LMTK2: variants seen among roughly 807,000 people sequenced by gnomAD.
The protein encoded by LMTK2 is lemur tail kinase 2.
In LMTK2, 37 loss-of-function variants were observed where a neutral mutation model predicts 127.5. That is an observed-to-expected ratio of 0.29 (90% CI 0.22 to 0.38). LMTK2 has a LOEUF of 0.38. LMTK2 is among the 10% of genes least tolerant of loss of function. The pLI, the probability that LMTK2 is intolerant of heterozygous loss-of-function variation, is 1.00. For synonymous variants in LMTK2, 819 were observed against 810.1 expected, an observed-to-expected ratio of 1.01 and a Z score of -0.19; for missense variants, 1,694 against 1,920.3, an observed-to-expected ratio of 0.88 and a Z score of 2.20.
chr7:98,167,694 G>C (rs1449484435), intron 6 of LMTK2, among the ~76,000 whole-genome samples: 4 of 152,198 alleles, frequency 2.6e-5, no homozygotes, highest in Non-Finnish European at 5.9e-5. Context: ...GAGGGAAGTT[G>C]AGTCAGGAGA....
intron 11 of LMTK2, among the ~76,000 whole-genome samples, chr7:98,198,690 G>C (rs528000673): frequency 6.6e-6 from 1 of 152,098 alleles, no homozygotes; most frequent in African/African-American, 2.4e-5. Flanking sequence ...ATGTTGCCCA[G>C]GCTGGTCTCG....
chr7:98,183,688 G>A (rs961598920), intron 7 of LMTK2, among the ~76,000 whole-genome samples: 13 of 151,954 alleles, frequency 8.6e-5, no homozygotes, highest in African/African-American at 3.1e-4. Context: ...CCATGATCTG[G>A]CCTCACTCCA....
At chr7:98,159,551 G>T in intron 6 of LMTK2, 126 bp downstream of exon 6, 1 of 690,868 alleles carries the variant, frequency 1.4e-6, no homozygotes, top group East Asian at 2.7e-5. Context: ...ACTTTATGAT[G>T]AGTTACTTTT....
chr7:98,112,872 AG>A (rs1050554361), intron 1 of LMTK2, among the ~76,000 whole-genome samples: 2 of 152,204 alleles, frequency 1.3e-5, no homozygotes, highest in Non-Finnish European at 2.9e-5. Context: ...AAGAGACTTC[AG>A]GGAAAAACAG....
chr7:98,162,887 G>T (rs567977074), intron 6 of LMTK2, among the ~76,000 whole-genome samples: 2 of 152,318 alleles, frequency 1.3e-5, no homozygotes, highest in South Asian at 2.1e-4. Flanking sequence ...AAGTGGCCAG[G>T]TGTCCATCGA....
At chr7:98,172,635 C>T (rs1418240074) in intron 7 of LMTK2, among the ~76,000 whole-genome samples, 1 of 152,146 alleles carries the variant, frequency 6.6e-6, no homozygotes, top group African/African-American at 2.4e-5. Flanking sequence ...TCCAGGGAAA[C>T]CAGGCAGTAT....
At chr7:98,175,858 G>C (rs1416526828) in intron 7 of LMTK2, among the ~76,000 whole-genome samples, 5 of 152,212 alleles carry the variant, frequency 3.3e-5, no homozygotes, top group African/African-American at 1.2e-4. Context: ...TAAAAGGCTC[G>C]AGGTCCAGAG....
rs534111573 is a variant in LMTK2, at chr7:98,133,844, G to A, written c.104-3471G>A. On this transcript the variant is annotated intron_variant, in intron 1 of 13. Coordinates refer to ENST00000297293, the MANE Select transcript of LMTK2 (RefSeq NM_014916.4). ...TTTCATGAATCAGATAATTAGGCTG[G>A]CATTCATACAGTCCTTATCCAGTTC... is the stretch of plus-strand genomic sequence containing the variant. 2.6e-5 allele frequency among the ~76,000 whole-genome samples: 4 copies of A among 152,252 alleles called. No homozygotes were observed. The South Asian group carries it at 8.3e-4, about 32-fold the overall frequency.
chr7:98,183,457 G>A (rs989670633), intron 7 of LMTK2, among the ~76,000 whole-genome samples: 16 of 151,918 alleles, frequency 1.1e-4, no homozygotes, highest in African/African-American at 3.4e-4. Context: ...GTGCGATCTC[G>A]GCTTATTGCA....
intron 1 of LMTK2, among the ~76,000 whole-genome samples, chr7:98,120,658 T>A (rs1328048716): frequency 6.6e-6 from 1 of 152,110 alleles, no homozygotes; most frequent in Non-Finnish European, 1.5e-5. Flanking sequence ...GGAAAAAATA[T>A]CCTGTCCCCA....
intron 6 of LMTK2, among the ~76,000 whole-genome samples, chr7:98,166,495 TAA>T (rs1797103414): frequency 6.6e-6 from 1 of 152,204 alleles, no homozygotes; most frequent in Non-Finnish European, 1.5e-5. Context: ...TGTTTTAACC[TAA>T]GTGTTATTAC....
chr7:98,162,929 C>G (rs1021899479), intron 6 of LMTK2, among the ~76,000 whole-genome samples: 8 of 152,168 alleles, frequency 5.3e-5, no homozygotes, highest in African/African-American at 1.9e-4. Flanking sequence ...TCTGCTCTCT[C>G]TGTGCAATGG....
intron 5 of LMTK2, among the ~76,000 whole-genome samples, chr7:98,156,704 C>G (rs1796930802): frequency 3.3e-5 from 5 of 152,144 alleles, no homozygotes; most frequent in Admixed American, 3.3e-4. Context: ...ACATGTATAT[C>G]TAAAGAGAGA....
chr7:98,152,289 A>C (rs1467301688), intron 4 of LMTK2, among the ~76,000 whole-genome samples: 1 of 152,324 alleles, frequency 6.6e-6, no homozygotes, highest in East Asian at 1.9e-4. Flanking sequence ...ACAGTACTGC[A>C]GTCGTGCTCT....
chr7:98,203,861 T>G (rs1223240160), intron 12 of LMTK2, 83 bp from the exon 13 acceptor site: 3 of 1,588,092 alleles, frequency 1.9e-6, no homozygotes, highest in Non-Finnish European at 2.6e-6. Flanking sequence ...TCTTCCGACC[T>G]GCAGGGCGCA....
intron 6 of LMTK2, among the ~76,000 whole-genome samples, chr7:98,164,629 A>G (rs1042304816): frequency 5.3e-5 from 8 of 152,204 alleles, no homozygotes; most frequent in African/African-American, 1.9e-4. Flanking sequence ...GTGCGTATAG[A>G]AGTACGGGAG....
chr7:98,194,395 G>T lies in LMTK2; in HGVS notation c.3930G>T (p.Ser1310=). 6.2e-7 allele frequency: 1 copy of T among 1,614,162 alleles called. No individual in the cohort carries two copies. ...ACCTGCATAGCCTCAGCTCCGAGTC[G>T]GAGGACGAGACCGAGCACCCCGTGC... is the stretch of plus-strand genomic sequence containing the variant. The part of the protein sequence containing the change: ...AFNLHSLSSE[S]EDETEHPVPI... The change falls in exon 11 of 14, where the codon TCG becomes TCT. Residue 1310 remains serine (S), a synonymous_variant. Coordinates refer to ENST00000297293, the MANE Select transcript of LMTK2 (RefSeq NM_014916.4). This position sits in a 1 kb window ranked among gnomAD's most constrained non-coding sequence, Gnocchi z 5.4.
chr7:98,138,939 A>G (rs1796637180), intron 2 of LMTK2, among the ~76,000 whole-genome samples: 1 of 152,160 alleles, frequency 6.6e-6, no homozygotes, highest in Non-Finnish European at 1.5e-5. Flanking sequence ...GTGACTGTGT[A>G]AAGAGTATTT....
At position 98,152,259 on chromosome 7, in the gene LMTK2, A is replaced by T. The variant is rs553454105; in HGVS notation, c.450+804A>T. Among the ~76,000 whole-genome samples, 3 of 152,278 alleles carry T rather than the reference A, an allele frequency of 2.0e-5. No homozygotes were observed. In the East Asian group the frequency reaches 5.8e-4, roughly 29 times the overall value. On this transcript the variant is annotated intron_variant, in intron 4 of 13. Transcript: ENST00000297293. ...TTATCGTAGATGGCTCAGAAGGAGTAATCTCCTACAGCCATTTCCACAGTA... is the reference window on the plus strand; with the variant it reads ...TTATCGTAGATGGCTCAGAAGGAGTTATCTCCTACAGCCATTTCCACAGTA...
Sources: allele counts gnomAD v4.1 joint callset (sites outside exome capture counted in the v4.1 genomes callset), GRCh38; gene constraint gnomAD v4.1.1; non-coding constraint Gnocchi (gnomAD v3.1); transcripts MANE v1.5; gene names NCBI Gene and HGNC (gene_info 2026-07-23, HGNC 2026-07-21).